Variants in HMGCLL1 observed in about 807,000 individuals in gnomAD.
The protein encoded by HMGCLL1 is 3-hydroxy-3-methylglutaryl-CoA lyase like 1, also known as 3-hydroxymethyl-3-methylglutaryl-CoA lyase, cytoplasmic.
HMGCLL1 carries 36 observed loss-of-function variants against 39.1 expected under a neutral mutation model. That is an observed-to-expected ratio of 0.92 (90% CI 0.71 to 1.22). The LOEUF is 1.22. HMGCLL1 is among the 50% of genes most tolerant of loss of function. The pLI is 0.00. For synonymous variants in HMGCLL1, 149 were observed against 144.0 expected, an observed-to-expected ratio of 1.03 and a Z score of -0.25; for missense variants, 451 against 416.5, an observed-to-expected ratio of 1.08 and a Z score of -0.72.
chr6:55,668,587 T>A, the HMGCLL1 span, among the ~76,000 whole-genome samples: 2 of 151,868 alleles, frequency 1.3e-5, no homozygotes, highest in Admixed American at 1.3e-4. Flanking sequence ...AAAGAAAAGA[T>A]ACCAGAATTC....
chr6:55,653,130 T>C, the HMGCLL1 span, among the ~76,000 whole-genome samples: 1 of 152,080 alleles, frequency 6.6e-6, no homozygotes, highest in Non-Finnish European at 1.5e-5. Context: ...CATTATCTTT[T>C]CATTGCCATA....
chr6:55,512,944 T>C (rs1158688606), intron 5 of HMGCLL1: 2 of 152,098 alleles, frequency 1.3e-5, no homozygotes, highest in Non-Finnish European at 2.9e-5. Flanking sequence ...AATTCTTCCT[T>C]AAGAAACAAA....
chr6:55,441,212 A>T (rs1581783126), intron 7 of HMGCLL1, among the ~76,000 whole-genome samples: 1 of 152,108 alleles, frequency 6.6e-6, no homozygotes, highest in Non-Finnish European at 1.5e-5. Flanking sequence ...AATTCTGGCT[A>T]AACTGACCTA....
At chr6:55,594,190 T>A in the HMGCLL1 span, among the ~76,000 whole-genome samples, 55 of 152,330 alleles carry the variant, frequency 3.6e-4, no homozygotes, top group East Asian at 0.011. Flanking sequence ...AAAATTTGAA[T>A]CTAATGATTC....
At chr6:55,450,700 G>A (rs1460019351) in intron 7 of HMGCLL1, among the ~76,000 whole-genome samples, 3 of 152,140 alleles carry the variant, frequency 2.0e-5, no homozygotes, top group African/African-American at 4.8e-5. Context: ...AACCATAAAA[G>A]ACAGAGCTAA....
intron 7 of HMGCLL1, among the ~76,000 whole-genome samples, chr6:55,483,478 T>C (rs1042504944): frequency 1.3e-5 from 2 of 152,274 alleles, no homozygotes; most frequent in Admixed American, 1.3e-4. Context: ...GTTGCCAGGA[T>C]GGTCCCGATC....
At chr6:55,672,391 A>C in the HMGCLL1 span, among the ~76,000 whole-genome samples, 1 of 151,852 alleles carries the variant, frequency 6.6e-6, no homozygotes, top group Non-Finnish European at 1.5e-5. Flanking sequence ...CTTAGTTTAA[A>C]GAATACACTT....
intron 4 of HMGCLL1, 38 bp downstream of exon 4, chr6:55,516,470 A>T (rs969045150): frequency 1.6e-6 from 2 of 1,257,040 alleles, no homozygotes; most frequent in African/African-American, 1.5e-5. Context: ...AAACGATAAG[A>T]GGCCTATCAA....
chr6:55,555,503 C>T (rs1262717358), intron 1 of HMGCLL1, among the ~76,000 whole-genome samples: 3 of 152,130 alleles, frequency 2.0e-5, no homozygotes, highest in South Asian at 2.1e-4. Flanking sequence ...CCTTTGAGGG[C>T]GCTTCATTTT....
At chr6:55,678,502 G>A in the HMGCLL1 span, among the ~76,000 whole-genome samples, 1 of 152,064 alleles carries the variant, frequency 6.6e-6, no homozygotes, top group Non-Finnish European at 1.5e-5. Flanking sequence ...TTGCACCTAA[G>A]CTGTCAAGTA....
At chr6:55,575,716 T>C (rs1581968796) in intron 1 of HMGCLL1, among the ~76,000 whole-genome samples, 1 of 152,262 alleles carries the variant, frequency 6.6e-6, no homozygotes, top group East Asian at 1.9e-4. Context: ...GAAACCATTT[T>C]TACCTCATCT....
the HMGCLL1 span, among the ~76,000 whole-genome samples, chr6:55,594,250 A>C: frequency 6.6e-6 from 1 of 152,114 alleles, no homozygotes; most frequent in East Asian, 1.9e-4. Context: ...CCTTCTCACT[A>C]GTTCAAATGT....
intron 3 of HMGCLL1, among the ~76,000 whole-genome samples, chr6:55,539,906 G>T (rs1264637208): frequency 7.7e-6 from 1 of 130,144 alleles, no homozygotes; most frequent in Admixed American, 7.6e-5. Context: ...AAGAAAGAAA[G>T]AAAGAAAGAA....
chr6:55,645,962 C>A, the HMGCLL1 span, among the ~76,000 whole-genome samples: 2 of 151,708 alleles, frequency 1.3e-5, no homozygotes, highest in East Asian at 3.9e-4. Context: ...AATTTGAGTA[C>A]AATTGGCATT....
intron 7 of HMGCLL1, among the ~76,000 whole-genome samples, chr6:55,486,659 A>C (rs1483665266): frequency 6.6e-6 from 1 of 152,060 alleles, no homozygotes; most frequent in African/African-American, 2.4e-5. Context: ...CCGTCACCTT[A>C]CATACACTCA....
the HMGCLL1 span, among the ~76,000 whole-genome samples, chr6:55,594,131 CAG>C: frequency 6.6e-6 from 1 of 152,114 alleles, no homozygotes; most frequent in African/African-American, 2.4e-5. Flanking sequence ...TTCTTGGCAG[CAG>C]AGAGTAAGAA....
At chr6:55,566,605 C>G (rs904622141) in intron 1 of HMGCLL1, 1 of 455,912 alleles carries the variant, frequency 2.2e-6, no homozygotes, top group Non-Finnish European at 4.4e-6. Context: ...ATCATTACAT[C>G]CTTCAATGTT....
the HMGCLL1 span, among the ~76,000 whole-genome samples, chr6:55,613,669 ACAGAGG>A: frequency 0.091 from 13,775 of 152,128 alleles, 716 homozygotes; most frequent in East Asian, 0.23. Flanking sequence ...CAGCAAACTA[ACAGAGG>A]CACAGAAAAC....
intron 3 of HMGCLL1, among the ~76,000 whole-genome samples, chr6:55,519,184 A>C (rs991790568): frequency 4.6e-5 from 7 of 152,100 alleles, no homozygotes; most frequent in African/African-American, 1.7e-4. Context: ...GAGAAAGGAG[A>C]AGACTGGACT....
Sources: allele counts gnomAD v4.1 joint callset (sites outside exome capture counted in the v4.1 genomes callset), GRCh38; gene constraint gnomAD v4.1.1; transcripts MANE v1.5; gene names NCBI Gene and HGNC (gene_info 2026-07-23, HGNC 2026-07-21).